KY: variants seen among roughly 807,000 people sequenced by gnomAD.
The protein encoded by KY is kyphoscoliosis peptidase.
A neutral mutation model predicts 76.1 loss-of-function variants in KY; 43 were observed. The ratio of observed to expected loss-of-function variants is 0.57; its 90% CI spans 0.44 to 0.73. The LOEUF (loss-of-function observed/expected upper bound fraction) is 0.73, where lower values mean the gene tolerates loss of function less well. KY is among the 30% of genes least tolerant of loss of function. KY has a pLI of 0.00. For synonymous variants in KY, 277 were observed against 326.2 expected (o/e 0.85, Z 1.63); for missense variants, 722 against 828.9 (o/e 0.87, Z 1.58).
intron 1 of KY, among the ~76,000 whole-genome samples, chr3:134,648,508 C>A (rs1244750982): frequency 6.6e-6 from 1 of 152,214 alleles, no homozygotes; most frequent in Non-Finnish European, 1.5e-5. Flanking sequence ...TCCTCTACTG[C>A]TGCAGGAGTA....
intron 2 of KY, among the ~76,000 whole-genome samples, chr3:134,647,070 G>T (rs549332445): frequency 6.6e-6 from 1 of 152,330 alleles, no homozygotes; most frequent in Admixed American, 6.5e-5. Flanking sequence ...CAAGGCAGAC[G>T]ACTATCCTCT....
chr3:134,627,039 A>G (rs1030461383), intron 5 of KY, among the ~76,000 whole-genome samples: 4 of 152,202 alleles, frequency 2.6e-5, no homozygotes, highest in Non-Finnish European at 4.4e-5. Context: ...ATTTAGAATA[A>G]AGGTGGCATT....
chr3:134,618,828 G>A (rs961026169), intron 8 of KY, among the ~76,000 whole-genome samples: 8 of 152,136 alleles, frequency 5.3e-5, no homozygotes, highest in African/African-American at 9.7e-5. Flanking sequence ...CTGTCCTCCC[G>A]CTCCCAGGCC....
chr3:134,636,657 G>A (rs991463013), intron 3 of KY, among the ~76,000 whole-genome samples: 1 of 152,224 alleles, frequency 6.6e-6, no homozygotes, highest in Admixed American at 6.5e-5. Flanking sequence ...TGGCTCCAAT[G>A]AGAATTTCTA....
chr3:134,619,360 C>A (rs1962173036), intron 7 of KY, 95 bp from the exon 8 acceptor site: 2 of 899,786 alleles, frequency 2.2e-6, no homozygotes, highest in Admixed American at 3.6e-5. Flanking sequence ...ATCACCAGCC[C>A]CAGGAAACTA....
At chr3:134,615,900 G>A (rs771784961) in intron 8 of KY, among the ~76,000 whole-genome samples, 15 of 152,170 alleles carry the variant, frequency 9.9e-5, no homozygotes, top group Non-Finnish European at 2.2e-4. Flanking sequence ...ACAGCTGGAG[G>A]ATGAGTGGAA....
At chr3:134,608,093 G>T (rs1959561052) in intron 10 of KY, 2 of 1,120,854 alleles carry the variant, frequency 1.8e-6, no homozygotes, top group South Asian at 4.4e-5. Flanking sequence ...CCTGTCCTGG[G>T]AGACCCATGT....
chr3:134,608,859 G>A lies in KY; in HGVS notation c.900-20C>T, dbSNP rs1959742046. 1.4e-5 allele frequency: 23 copies of A among 1,594,646 alleles called. No individual in the cohort carries two copies. The highest frequency in any genetic ancestry group is 2.0e-5 in the Non-Finnish European group (23 of 1,168,462). Reference sequence around the variant, plus strand: ...TTGTAGCTGGAGCAGAGACAAGCTGGTTAGCAGCCAGCTCCATGCAGGGGA... The same window carrying A: ...TTGTAGCTGGAGCAGAGACAAGCTGATTAGCAGCCAGCTCCATGCAGGGGA... On this transcript the variant is annotated intron_variant, in intron 9 of 10. Transcript: ENST00000423778.
At chr3:134,609,196 GTGCT>G (rs1959849173) in intron 9 of KY, among the ~76,000 whole-genome samples, 2 of 152,200 alleles carry the variant, frequency 1.3e-5, no homozygotes, top group African/African-American at 4.8e-5. Flanking sequence ...GGGAGACAGA[GTGCT>G]TGAATTCACT....
At chr3:134,636,947 G>A (rs755042864) in intron 3 of KY, among the ~76,000 whole-genome samples, 2 of 152,082 alleles carry the variant, frequency 1.3e-5, no homozygotes, top group Non-Finnish European at 2.9e-5. Flanking sequence ...CATTGATTTT[G>A]TAAAACCTCC....
chr3:134,651,014 G>A lies in KY; in HGVS notation c.-54C>T. On this transcript the variant is annotated 5_prime_UTR_variant, in exon 1 of 11. Transcript: ENST00000423778. ...CGCGGCCGCACGCTAGGCTGCTTGC[G>A]CTGCAAATGGCCCCGTGCGCGCAGC... 6.2e-7 allele frequency: 1 copy of A among 1,609,386 alleles called. No homozygotes were observed.
At chr3:134,634,257 A>G (rs1256313754) in intron 3 of KY, among the ~76,000 whole-genome samples, 1 of 152,194 alleles carries the variant, frequency 6.6e-6, no homozygotes, top group Non-Finnish European at 1.5e-5. Flanking sequence ...ATATAATTAT[A>G]AAATATAGAC....
At chr3:134,623,654 A>C (rs1963002138) in intron 6 of KY, among the ~76,000 whole-genome samples, 3 of 141,508 alleles carry the variant, frequency 2.1e-5, no homozygotes, top group African/African-American at 5.4e-5. Context: ...CCCACTACTC[A>C]CCTCCTGCTT....
At chr3:134,644,464 A>G (rs1263471008) in intron 2 of KY, among the ~76,000 whole-genome samples, 6 of 151,594 alleles carry the variant, frequency 4.0e-5, no homozygotes, top group African/African-American at 7.3e-5. Flanking sequence ...CTGCCCTTGA[A>G]CCTCTGCTTC....
At chr3:134,637,756 G>A (rs545144521) in intron 3 of KY, among the ~76,000 whole-genome samples, 7 of 152,268 alleles carry the variant, frequency 4.6e-5, no homozygotes, top group Admixed American at 6.5e-5. Context: ...GCCATCCTGC[G>A]TTACATGCCC....
intron 9 of KY, among the ~76,000 whole-genome samples, chr3:134,609,832 G>A (rs149742820): frequency 6.6e-6 from 1 of 152,236 alleles, no homozygotes; most frequent in Non-Finnish European, 1.5e-5. Flanking sequence ...ATTTGTGCCT[G>A]GTAATGTGGT....
At chr3:134,614,990 T>C (rs900176031) in intron 8 of KY, among the ~76,000 whole-genome samples, 7 of 152,252 alleles carry the variant, frequency 4.6e-5, no homozygotes, top group African/African-American at 1.7e-4. Flanking sequence ...GGTATTTTGT[T>C]GAAAATACTG....
At position 134,639,075 on chromosome 3, in the gene KY, T is replaced by TTG. The variant is rs1287270991; in HGVS notation, c.262+4240_262+4241insCA. The stretch of plus-strand genomic sequence containing the variant: ...TTTTTTTTTTCTACTTTGGAGTTTT[T>TTG]TTTTTTTTTTCCTGCAGTAGCTTAG... On this transcript the variant is annotated intron_variant, in intron 3 of 10. Coordinates refer to ENST00000423778, the MANE Select transcript of KY (RefSeq NM_178554.6). Among the ~76,000 whole-genome samples the TTG allele has an allele frequency of 9.9e-5, 15 of 151,356 alleles. 1 individual carries two copies. The South Asian group carries it at 1.7e-3, about 17-fold the overall frequency.
At chr3:134,619,354 C>T in intron 7 of KY, 89 bp from the exon 8 acceptor site, 1 of 975,594 alleles carries the variant, frequency 1.0e-6, no homozygotes, top group Non-Finnish European at 1.7e-6. Flanking sequence ...CTGGCCATCA[C>T]CAGCCCCAGG....
Sources: allele counts gnomAD v4.1 joint callset (sites outside exome capture counted in the v4.1 genomes callset), GRCh38; gene constraint gnomAD v4.1.1; transcripts MANE v1.5; gene names NCBI Gene and HGNC (gene_info 2026-07-23, HGNC 2026-07-21).